DRC11: variants seen among roughly 807,000 people sequenced by gnomAD.
The protein encoded by DRC11 is dynein regulatory complex subunit 11, also known as IQ and AAA domain-containing protein 1.
the DRC11 span, among the ~76,000 whole-genome samples, chr2:236,451,741 G>A: frequency 6.6e-6 from 1 of 152,170 alleles, no homozygotes; most frequent in Admixed American, 6.5e-5. Flanking sequence ...TAAAGAAGCA[G>A]TTGGGAGGCT....
chr2:236,488,094 T>C, the DRC11 span: 1 of 1,610,394 alleles, frequency 6.2e-7, no homozygotes, highest in Non-Finnish European at 8.5e-7. Context: ...ATAGATTTGC[T>C]TCATGAATAA....
the DRC11 span, among the ~76,000 whole-genome samples, chr2:236,472,366 T>G: frequency 6.6e-6 from 1 of 152,184 alleles, no homozygotes; most frequent in Non-Finnish European, 1.5e-5. This position sits in a 1 kb window ranked among gnomAD's most constrained non-coding sequence, Gnocchi z 4.6. Flanking sequence ...TTAAACCCTA[T>G]GGGCTACTCC....
chr2:236,477,826 G>GT, the DRC11 span, among the ~76,000 whole-genome samples: 2 of 152,018 alleles, frequency 1.3e-5, no homozygotes. Context: ...TTGGTGTACA[G>GT]TTTTTTTGTC....
the DRC11 span, among the ~76,000 whole-genome samples, chr2:236,413,138 C>T: frequency 5.5e-3 from 843 of 152,274 alleles, 9 homozygotes; most frequent in African/African-American, 0.019. This position sits in a 1 kb window ranked among gnomAD's most constrained non-coding sequence, Gnocchi z 4.0. Context: ...TGGCCCTTTG[C>T]CTGTGTAACC....
chr2:236,358,561 C>CG, the DRC11 span, among the ~76,000 whole-genome samples: 1 of 143,836 alleles, frequency 7.0e-6, no homozygotes, highest in Non-Finnish European at 1.5e-5. Context: ...CCCGCCACCC[C>CG]CCAGGTACCA....
At chr2:236,410,697 G>C in the DRC11 span, among the ~76,000 whole-genome samples, 1 of 150,852 alleles carries the variant, frequency 6.6e-6, no homozygotes, top group East Asian at 1.9e-4. Context: ...CCAAAACAGA[G>C]ACATAGATCA....
chr2:236,445,687 T>C, the DRC11 span, among the ~76,000 whole-genome samples: 2 of 152,138 alleles, frequency 1.3e-5, no homozygotes, highest in African/African-American at 4.8e-5. This position sits in a 1 kb window ranked among gnomAD's most constrained non-coding sequence, Gnocchi z 4.8. Flanking sequence ...CATGTTAGTT[T>C]ATATAATTAG....
At chr2:236,344,526 A>G in the DRC11 span, 1 of 1,541,760 alleles carries the variant, frequency 6.5e-7, no homozygotes, top group Non-Finnish European at 8.9e-7. Flanking sequence ...AGGAAAGAAA[A>G]GGCAAAAGTA....
At chr2:236,462,216 A>G in the DRC11 span, among the ~76,000 whole-genome samples, 1 of 152,120 alleles carries the variant, frequency 6.6e-6, no homozygotes, top group African/African-American at 2.4e-5. The surrounding 1 kb of genome is among the most constrained non-coding windows in gnomAD (Gnocchi z 6.4). Flanking sequence ...ACCTATGCTC[A>G]TGGGGGAGAA....
the DRC11 span, chr2:236,419,044 G>A: frequency 1.0e-5 from 14 of 1,401,234 alleles, no homozygotes; most frequent in Admixed American, 9.4e-5. This position sits in a 1 kb window ranked among gnomAD's most constrained non-coding sequence, Gnocchi z 4.8. Flanking sequence ...GGAAACAAAC[G>A]GCTGCACTCC....
chr2:236,441,088 A>G, the DRC11 span: 19 of 1,562,508 alleles, frequency 1.2e-5, no homozygotes, highest in Non-Finnish European at 1.5e-5. Context: ...CTCCTTCTTC[A>G]ACGTCAGGGT....
At chr2:236,504,210 G>A in the DRC11 span, among the ~76,000 whole-genome samples, 2 of 151,800 alleles carry the variant, frequency 1.3e-5, no homozygotes, top group South Asian at 4.2e-4. This position sits in a 1 kb window ranked among gnomAD's most constrained non-coding sequence, Gnocchi z 5.0. Context: ...GGGGGGGGGC[G>A]TTCAGTGCTG....
At chr2:236,376,230 A>C in the DRC11 span, among the ~76,000 whole-genome samples, 1 of 152,244 alleles carries the variant, frequency 6.6e-6, no homozygotes, top group Non-Finnish European at 1.5e-5. This position sits in a 1 kb window ranked among gnomAD's most constrained non-coding sequence, Gnocchi z 5.7. Context: ...GTCTGTGCAC[A>C]GCTCAGACTC....
chr2:236,397,985 G>A, the DRC11 span, among the ~76,000 whole-genome samples: 1 of 152,204 alleles, frequency 6.6e-6, no homozygotes, highest in Non-Finnish European at 1.5e-5. This position sits in a 1 kb window ranked among gnomAD's most constrained non-coding sequence, Gnocchi z 5.0. Flanking sequence ...AGGTGTTTTT[G>A]ATAGTGACTG....
chr2:236,444,122 T>C, the DRC11 span, among the ~76,000 whole-genome samples: 1 of 152,250 alleles, frequency 6.6e-6, no homozygotes, highest in African/African-American at 2.4e-5. Flanking sequence ...GCAAAAATTT[T>C]CTCCCATTCT....
At chr2:236,325,896 C>T in the DRC11 span, among the ~76,000 whole-genome samples, 1 of 152,202 alleles carries the variant, frequency 6.6e-6, no homozygotes, top group South Asian at 2.1e-4. This position sits in a 1 kb window ranked among gnomAD's most constrained non-coding sequence, Gnocchi z 4.4. Context: ...AGCCACGGTG[C>T]GTGGCTTCAT....
chr2:236,416,667 C>A, the DRC11 span, among the ~76,000 whole-genome samples: 1 of 143,662 alleles, frequency 7.0e-6, no homozygotes, highest in South Asian at 2.2e-4. Flanking sequence ...CAGTCATGCC[C>A]GGAGCTTTGA....
the DRC11 span, among the ~76,000 whole-genome samples, chr2:236,491,171 A>ATATATACAG: frequency 1.2e-5 from 1 of 80,062 alleles, no homozygotes; most frequent in Non-Finnish European, 2.4e-5. Flanking sequence ...ATATATATAT[A>ATATATACAG]TATATATATA....
the DRC11 span, among the ~76,000 whole-genome samples, chr2:236,307,734 G>T: frequency 6.6e-6 from 1 of 152,184 alleles, no homozygotes. The surrounding 1 kb of genome is among the most constrained non-coding windows in gnomAD (Gnocchi z 7.0). Context: ...GGTGTTGAGG[G>T]TGTGGAATTA....
Sources: allele counts gnomAD v4.1 joint callset (sites outside exome capture counted in the v4.1 genomes callset), GRCh38; gene constraint gnomAD v4.1.1; non-coding constraint Gnocchi (gnomAD v3.1); transcripts MANE v1.5; gene names NCBI Gene and HGNC (gene_info 2026-07-23, HGNC 2026-07-21).